The following COPS4 variants were observed in gnomAD, a reference collection of about 807,000 sequenced individuals.
COPS4 encodes COP9 signalosome complex subunit 4.
A neutral mutation model predicts 55.1 loss-of-function variants in COPS4; 8 were observed. The observed-to-expected ratio is 0.15, with a 90% CI of 0.09 to 0.26. The LOEUF (loss-of-function observed/expected upper bound fraction) is 0.26, where lower values mean the gene tolerates loss of function less well. Ranked by LOEUF, COPS4 falls within the 10% of genes least tolerant of loss-of-function variation. COPS4 has a pLI of 1.00. For synonymous variants in COPS4, 185 were observed against 165.7 expected, an observed-to-expected ratio of 1.12 and a Z score of -0.90; for missense variants, 248 against 484.0, an observed-to-expected ratio of 0.51 and a Z score of 4.58.
At chr4:83,049,744 G>A (rs1730814404) in intron 3 of COPS4, 137 bp from the exon 4 acceptor site, 4 of 574,872 alleles carry the variant, frequency 7.0e-6, no homozygotes, top group Non-Finnish European at 1.2e-5. Context: ...GGAAAACTTG[G>A]GTGGTCTTGA....
intron 6 of COPS4, among the ~76,000 whole-genome samples, chr4:83,061,911 A>AT (rs1731171610): frequency 6.6e-6 from 1 of 152,072 alleles, no homozygotes; most frequent in Admixed American, 6.6e-5. Flanking sequence ...AGGAACTTGG[A>AT]TTTATCTTGT....
rs934678975 is a variant in COPS4, at chr4:83,053,713, G to A, written c.411-3213G>A. 2.0e-5 allele frequency among the ~76,000 whole-genome samples: 3 copies of A among 151,612 alleles called. No individual in the cohort carries two copies. In the East Asian group the frequency reaches 5.9e-4, roughly 30 times the overall value. On this transcript the variant is annotated intron_variant, in intron 4 of 9. Coordinates refer to ENST00000264389, the MANE Select transcript of COPS4 (RefSeq NM_016129.3). The stretch of plus-strand genomic sequence containing the variant: ...AAAATTAGCCGGTGTGGTCTCATGT[G>A]CCTGTAATCCCAGCTACTGGGGAGG...
rs1157649267 is a variant in COPS4 at position 83,035,222 on chromosome 4, A to G, written c.-3A>G. The G allele has an allele frequency of 6.4e-7, 1 of 1,564,592 alleles. No individual in the cohort carries two copies. The highest frequency in any genetic ancestry group is 2.4e-5 in the East Asian group (1 of 42,056). On this transcript the variant is annotated 5_prime_UTR_variant, in exon 1 of 10. Transcript: ENST00000264389. ...CCGCATCCACCGCTGAGCTGGGAGA[A>G]AGATGGCGGCAGCCGTGCGACAGGA...
intron 1 of COPS4, among the ~76,000 whole-genome samples, chr4:83,037,012 CA>C (rs1730440758): frequency 1.3e-5 from 2 of 152,154 alleles, no homozygotes; most frequent in Non-Finnish European, 2.9e-5. Flanking sequence ...CAGTGTAAAA[CA>C]ACTATGATTT....
chr4:83,057,470 G>T (rs929020645), intron 6 of COPS4, 62 bp downstream of exon 6: 1 of 1,388,060 alleles, frequency 7.2e-7, no homozygotes, highest in African/African-American at 1.4e-5. Flanking sequence ...CTTTAGGTTG[G>T]TTACTGTTGG....
intron 9 of COPS4, among the ~76,000 whole-genome samples, chr4:83,071,170 G>A (rs1731420345): frequency 6.6e-6 from 1 of 152,136 alleles, no homozygotes; most frequent in African/African-American, 2.4e-5. Context: ...CTAAATGTCT[G>A]TTTCTGTTTC....
chr4:83,050,972 T>C (rs1235324489), intron 4 of COPS4, among the ~76,000 whole-genome samples: 1 of 151,770 alleles, frequency 6.6e-6, no homozygotes, highest in Middle Eastern at 3.2e-3. Flanking sequence ...TTAAGAGGCT[T>C]ATGAGACCAG....
At chr4:83,036,179 TCACTTGAGGCCTGAGAGATCTGAGA>T (rs33926123) in intron 1 of COPS4, 151,099 of 151,788 alleles carry the variant, frequency 1, 75,206 homozygotes, top group Middle Eastern at 1. Flanking sequence ...GAGGCTGAGA[TCACTTGAGGCCTGAGAGATCTGAGA>T]GGGAGGATCA....
rs1560443227 is a variant in COPS4 at position 83,065,844 on chromosome 4, AG to A, written c.887-593del. On this transcript the variant is annotated intron_variant, in intron 7 of 9. Coordinates refer to ENST00000264389, the MANE Select transcript of COPS4 (RefSeq NM_016129.3). ...TGTTGTGCTGCTGCTTGCTAGTAAAAGTTTATGCTTGTAGAAAGAAAAGTTA... is the reference window on the plus strand; with the variant it reads ...TGTTGTGCTGCTGCTTGCTAGTAAAATTTATGCTTGTAGAAAGAAAAGTTA... 2.0e-5 allele frequency among the ~76,000 whole-genome samples: 3 copies of A among 152,310 alleles called. No homozygotes were observed. In the East Asian group the frequency reaches 5.8e-4, roughly 29 times the overall value.
chr4:83,061,099 A>G lies in COPS4; in HGVS notation c.716-1977A>G, dbSNP rs1230600293. 7.2e-5 allele frequency among the ~76,000 whole-genome samples: 11 copies of G among 151,856 alleles called. No homozygotes were observed. In the South Asian group the frequency reaches 2.1e-3, roughly 29 times the overall value. Reference sequence around the variant, plus strand: ...GTCATTCATTACATTCTATGTTACAAAATGGTGATTTGCTCATTCTATTCT... The same window carrying G: ...GTCATTCATTACATTCTATGTTACAGAATGGTGATTTGCTCATTCTATTCT... On this transcript the variant is annotated intron_variant, in intron 6 of 9. Coordinates refer to ENST00000264389, the MANE Select transcript of COPS4 (RefSeq NM_016129.3).
At chr4:83,059,212 TTTTG>T (rs755527930) in intron 6 of COPS4, among the ~76,000 whole-genome samples, 3 of 152,142 alleles carry the variant, frequency 2.0e-5, no homozygotes, top group African/African-American at 7.2e-5. Context: ...ATCTTTTTGG[TTTTG>T]TTTATGACAT....
rs555889521 is a variant in COPS4 at position 83,045,647 on chromosome 4, A to T, written c.96A>T (p.Lys32Asn). Residue 32 changes from lysine (K) to asparagine (N), a missense_variant, in exon 2 of 10, where the codon AAA becomes AAT. Lys to Asn is a moderately conservative substitution (Grantham distance 94). Around this residue, in one of 4 missense-constraint regions of COPS4, gnomAD observed 55 missense variants for 62.8 expected, o/e 0.88. Transcript: ENST00000264389. ...LAGKYRQILE[K>N]AIQLSGAEQL... ...GTAGGTATCGTCAGATCCTGGAAAA[A>T]GCCATTCAGTTATCTGGAGCAGAAC... The T allele has an allele frequency of 6.2e-7, 1 of 1,613,030 alleles. No individual in the cohort carries two copies. The highest frequency in any genetic ancestry group is 1.1e-5 in the South Asian group (1 of 91,042).
chr4:83,036,524 C>T (rs971113943), intron 1 of COPS4, among the ~76,000 whole-genome samples: 5 of 152,142 alleles, frequency 3.3e-5, no homozygotes, highest in Non-Finnish European at 7.3e-5. Flanking sequence ...TGCATTTTCC[C>T]ACTCAGGAAA....
chr4:83,050,682 G>A (rs984646670), intron 4 of COPS4, among the ~76,000 whole-genome samples: 1 of 152,114 alleles, frequency 6.6e-6, no homozygotes, highest in Non-Finnish European at 1.5e-5. Context: ...CAAGCTTGAA[G>A]TGTTTTCTTA....
chr4:83,041,337 A>G (rs908428618), intron 1 of COPS4, among the ~76,000 whole-genome samples: 1 of 151,892 alleles, frequency 6.6e-6, no homozygotes, highest in African/African-American at 2.4e-5. Flanking sequence ...TGCTGAGATT[A>G]CAGGCGTGAG....
intron 4 of COPS4, among the ~76,000 whole-genome samples, chr4:83,052,622 T>C (rs1335808072): frequency 6.6e-6 from 1 of 152,220 alleles, no homozygotes; most frequent in East Asian, 1.9e-4. Context: ...GTTGGCTTTT[T>C]GGTTTTGAGA....
intron 1 of COPS4, among the ~76,000 whole-genome samples, chr4:83,045,258 G>T (rs1032243209): frequency 6.6e-6 from 1 of 152,084 alleles, no homozygotes; most frequent in Non-Finnish European, 1.5e-5. Context: ...TATCTTTTAA[G>T]GCATTTGAAA....
intron 1 of COPS4, among the ~76,000 whole-genome samples, chr4:83,040,604 A>G (rs1730537413): frequency 6.6e-6 from 1 of 152,174 alleles, no homozygotes; most frequent in Admixed American, 6.5e-5. Context: ...TCCTCCCTAC[A>G]AGAAGTGCCA....
rs543032654 is a variant in COPS4 at position 83,060,663 on chromosome 4, A to T, written c.716-2413A>T. On this transcript the variant is annotated intron_variant, in intron 6 of 9. Coordinates refer to ENST00000264389, the MANE Select transcript of COPS4 (RefSeq NM_016129.3). Reference sequence around the variant, plus strand: ...CAATGTGGAATCTGAAACCATATCAATAAGTTTTTTGCATTCCATGACACG... The same window carrying T: ...CAATGTGGAATCTGAAACCATATCATTAAGTTTTTTGCATTCCATGACACG... Among the ~76,000 whole-genome samples, 193 of 152,104 alleles carry T rather than the reference A, an allele frequency of 1.3e-3. 1 individual carries two copies. Among genetic ancestry groups the T allele is most frequent in the African/African-American group, 4.3e-3 (177 of 41,514 alleles).
Sources: allele counts gnomAD v4.1 joint callset (sites outside exome capture counted in the v4.1 genomes callset), GRCh38; gene constraint gnomAD v4.1.1; regional missense constraint gnomAD v4.1.1; transcripts MANE v1.5; gene names NCBI Gene and HGNC (gene_info 2026-07-23, HGNC 2026-07-21).